The following CRYL1 variants were observed in gnomAD, a reference collection of about 807,000 sequenced individuals.
CRYL1 encodes the protein crystallin lambda 1, also known as lambda-crystallin homolog.
CRYL1 carries 29 observed loss-of-function variants against 36.6 expected under a neutral mutation model. That is an observed-to-expected ratio of 0.79 (90% CI 0.59 to 1.08). The LOEUF (loss-of-function observed/expected upper bound fraction) is 1.08. Ranked by LOEUF, CRYL1 falls within the 50% of genes least tolerant of loss-of-function variation. CRYL1 has a pLI of 0.00. For missense variants in CRYL1, 411 were observed against 407.9 expected (o/e 1.01, Z -0.06); for synonymous variants, 152 against 151.5 (o/e 1.00, Z -0.02).
intron 3 of CRYL1, among the ~76,000 whole-genome samples, chr13:20,470,637 G>A (rs556839431): frequency 3.3e-5 from 5 of 152,206 alleles, no homozygotes; most frequent in East Asian, 1.9e-4. Flanking sequence ...GGCCAGGCGC[G>A]GTGGCTCACA....
chr13:20,479,452 T>C (rs1403788636), intron 3 of CRYL1, among the ~76,000 whole-genome samples: 1 of 152,152 alleles, frequency 6.6e-6, no homozygotes, highest in Non-Finnish European at 1.5e-5. Context: ...GATAGAGGGA[T>C]GATCAACCAA....
In CRYL1 at chr13:20,420,701, T is replaced by TTTTTTTTTTTTTTTTTTTTTTTTTGTGTG; in HGVS notation, c.634-7315_634-7314insCACACAAAAAAAAAAAAAAAAAAAAAAAA. Among the ~76,000 whole-genome samples, 2 of 21,840 alleles carry TTTTTTTTTTTTTTTTTTTTTTTTTGTGTG rather than the reference T, an allele frequency of 9.2e-5. 1 individual carries two copies. Among genetic ancestry groups the TTTTTTTTTTTTTTTTTTTTTTTTTGTGTG allele is most frequent in the Non-Finnish European group, 2.7e-4 (2 of 7,326 alleles). The allele number at this position is 21,840 out of a possible 152,430, so 14.3% of individuals were successfully genotyped here. A position where few individuals can be genotyped will look rare whatever the true frequency, so the allele number is the denominator to read the frequency against. On this transcript the variant is annotated intron_variant, in intron 5 of 7. Transcript: ENST00000298248. ...CTTTGACTTTTCTTTAAAATAGAGG[T>TTTTTTTTTTTTTTTTTTTTTTTTTGTGTG]TGTGTGTGTGTGTGTGTGTGTGTGT... is the stretch of plus-strand genomic sequence containing the variant.
chr13:20,403,982 T>G lies in CRYL1; in HGVS notation c.*147A>C. The G allele has an allele frequency of 3.2e-6, 2 of 615,760 alleles. No homozygotes were observed. The allele number at this position is 615,760 out of a possible 1,614,324, so 38.1% of individuals were successfully genotyped here. A position where few individuals can be genotyped will look rare whatever the true frequency, so the allele number is the denominator to read the frequency against. ...CAAAGTGACGGGCAGACTACCGGCC[T>G]GCACCACCCCACTCAGGCTGCACAC... On this transcript the variant is annotated 3_prime_UTR_variant, in exon 8 of 8. Transcript: ENST00000298248.
intron 5 of CRYL1, among the ~76,000 whole-genome samples, chr13:20,427,739 C>CAAA (rs10650553): frequency 4.4e-5 from 6 of 136,184 alleles, no homozygotes; most frequent in Non-Finnish European, 7.8e-5. Context: ...AGTTGCTCCT[C>CAAA]AAAAAAAAAA....
chr13:20,416,333 G>A (rs1364247494), intron 5 of CRYL1, among the ~76,000 whole-genome samples: 2 of 152,202 alleles, frequency 1.3e-5, no homozygotes, highest in Non-Finnish European at 2.9e-5. Context: ...GCATCACGGG[G>A]GCTGGGGGAT....
chr13:20,409,892 G>A (rs149506977), intron 6 of CRYL1, among the ~76,000 whole-genome samples: 2,322 of 152,292 alleles, frequency 0.015, 66 homozygotes, highest in African/African-American at 0.053. Flanking sequence ...AATAGGTGCC[G>A]GAGAGGATGT....
intron 3 of CRYL1, among the ~76,000 whole-genome samples, chr13:20,482,611 G>T (rs184545642): frequency 1.3e-5 from 2 of 152,354 alleles, no homozygotes; most frequent in Admixed American, 1.3e-4. Context: ...CAGGCTCCCC[G>T]CCCTCTAGGG....
chr13:20,463,921 G>A (rs1416172269), intron 3 of CRYL1, among the ~76,000 whole-genome samples: 1 of 152,134 alleles, frequency 6.6e-6, no homozygotes, highest in Admixed American at 6.5e-5. Flanking sequence ...TCAAAAAGAG[G>A]CTGCAGAATG....
intron 2 of CRYL1, among the ~76,000 whole-genome samples, chr13:20,495,755 G>A (rs1257065914): frequency 1.3e-5 from 2 of 152,218 alleles, no homozygotes; most frequent in Admixed American, 1.3e-4. Flanking sequence ...AACAGATGGA[G>A]GGATAAACAA....
chr13:20,501,258 T>C (rs2033698552), intron 2 of CRYL1, among the ~76,000 whole-genome samples: 1 of 152,176 alleles, frequency 6.6e-6, no homozygotes, highest in Non-Finnish European at 1.5e-5. Flanking sequence ...GAGGAAGGTA[T>C]TATTATGTCT....
chr13:20,444,519 G>A (rs996489204), intron 3 of CRYL1, among the ~76,000 whole-genome samples: 3 of 152,142 alleles, frequency 2.0e-5, no homozygotes, highest in African/African-American at 4.8e-5. Flanking sequence ...CACAGGCATC[G>A]GTTGCTGTCC....
intron 2 of CRYL1, among the ~76,000 whole-genome samples, chr13:20,499,064 C>T (rs188276962): frequency 2.9e-4 from 44 of 152,236 alleles, no homozygotes; most frequent in Middle Eastern, 3.4e-3. Context: ...TTATTTAAGC[C>T]GGGCATGGTG....
intron 5 of CRYL1, among the ~76,000 whole-genome samples, chr13:20,426,440 T>C (rs973755403): frequency 1.3e-5 from 2 of 152,162 alleles, no homozygotes; most frequent in African/African-American, 4.8e-5. Flanking sequence ...CATCTTTTGG[T>C]ATAACCAGAG....
At chr13:20,523,777 T>C (rs1216820469) in intron 1 of CRYL1, among the ~76,000 whole-genome samples, 3 of 152,130 alleles carry the variant, frequency 2.0e-5, no homozygotes, top group Non-Finnish European at 2.9e-5. Context: ...CAGAGAATTA[T>C]GTGGTCCTTA....
At chr13:20,524,057 C>G (rs1299463440) in intron 1 of CRYL1, among the ~76,000 whole-genome samples, 1 of 152,172 alleles carries the variant, frequency 6.6e-6, no homozygotes, top group African/African-American at 2.4e-5. Context: ...TCAAGACCAA[C>G]CAGGGCAAGA....
chr13:20,405,132 G>A (rs1456224511), intron 6 of CRYL1, among the ~76,000 whole-genome samples: 1 of 152,176 alleles, frequency 6.6e-6, no homozygotes, highest in Non-Finnish European at 1.5e-5. Flanking sequence ...TCAGTCAGGT[G>A]GCGTGGCAGG....
intron 2 of CRYL1, among the ~76,000 whole-genome samples, chr13:20,510,971 C>T (rs2033905104): frequency 6.6e-6 from 1 of 152,140 alleles, no homozygotes; most frequent in Admixed American, 6.5e-5. Context: ...ACATGGCTGG[C>T]AGGTAGTTGG....
chr13:20,409,755 T>G (rs1263064319), intron 6 of CRYL1, among the ~76,000 whole-genome samples: 1 of 150,722 alleles, frequency 6.6e-6, no homozygotes, highest in Non-Finnish European at 1.5e-5. Context: ...AAGAAGACAT[T>G]TATGCAGCCA....
At chr13:20,471,347 TGGATCACGA>T (rs2033055246) in intron 3 of CRYL1, among the ~76,000 whole-genome samples, 1 of 152,008 alleles carries the variant, frequency 6.6e-6, no homozygotes, top group Non-Finnish European at 1.5e-5. Context: ...CCGAGGCAGG[TGGATCACGA>T]GGTCAGGAGA....
Sources: gnomAD v4.1 joint callset for allele counts (sites outside exome capture counted in the v4.1 genomes callset) on GRCh38, gnomAD v4.1.1 for gene constraint, MANE v1.5 for transcripts, NCBI Gene and HGNC (gene_info 2026-07-23, HGNC 2026-07-21) for gene names.